YEATS2: variants seen among roughly 807,000 people sequenced by gnomAD.
YEATS2 encodes YEATS domain containing 2, also known as YEATS domain-containing protein 2.
Under a neutral mutation model 163.2 loss-of-function variants are expected in YEATS2, and 77 were observed. That is an observed-to-expected ratio of 0.47 (90% CI 0.39 to 0.57). The LOEUF (loss-of-function observed/expected upper bound fraction) is 0.57, where lower values mean the gene tolerates loss of function less well. Among genes scored for constraint, YEATS2 ranks in the 20% least tolerant of loss-of-function variants. The probability of loss-of-function intolerance (pLI) is 0.00; values close to 1 mark genes in which losing one functional copy is unlikely to be tolerated. For synonymous variants in YEATS2, 631 were observed against 645.1 expected, an observed-to-expected ratio of 0.98 and a Z score of 0.33; for missense variants, 1,549 against 1,729.8, an observed-to-expected ratio of 0.90 and a Z score of 1.85.
chr3:183,720,653 C>T (rs1716393908), intron 4 of YEATS2, among the ~76,000 whole-genome samples: 1 of 152,144 alleles, frequency 6.6e-6, no homozygotes, highest in African/African-American at 2.4e-5. Flanking sequence ...GGCACAGTTT[C>T]CCAGATGCAT....
At chr3:183,719,316 T>C (rs1198323140) in intron 4 of YEATS2, among the ~76,000 whole-genome samples, 1 of 152,006 alleles carries the variant, frequency 6.6e-6, no homozygotes, top group Non-Finnish European at 1.5e-5. Flanking sequence ...TTTTGTACTT[T>C]ACTAGAGACG....
chr3:183,730,366 A>T (rs560392844), intron 7 of YEATS2, among the ~76,000 whole-genome samples: 1 of 152,054 alleles, frequency 6.6e-6, no homozygotes, highest in South Asian at 2.1e-4. Context: ...TGTCCGGCCC[A>T]TATTGATTGT....
At chr3:183,735,096 C>A (rs1718198523) in intron 7 of YEATS2, among the ~76,000 whole-genome samples, 1 of 152,152 alleles carries the variant, frequency 6.6e-6, no homozygotes, top group African/African-American at 2.4e-5. Flanking sequence ...TCTCTGGCAG[C>A]AGTCTTTCCT....
intron 6 of YEATS2, among the ~76,000 whole-genome samples, chr3:183,727,037 G>T (rs1717179055): frequency 6.6e-6 from 1 of 152,064 alleles, no homozygotes; most frequent in Non-Finnish European, 1.5e-5. Context: ...ATGAATTTGG[G>T]TGATCTACCT....
At chr3:183,698,300 G>C (rs1231438026) in intron 1 of YEATS2, among the ~76,000 whole-genome samples, 3 of 152,234 alleles carry the variant, frequency 2.0e-5, no homozygotes, top group African/African-American at 7.2e-5. Context: ...AGGATGTTAA[G>C]CTCTTGGCCT....
At chr3:183,748,238 G>A (rs1334393163) in intron 9 of YEATS2, among the ~76,000 whole-genome samples, 1 of 115,824 alleles carries the variant, frequency 8.6e-6, no homozygotes, top group African/African-American at 3.3e-5. Context: ...CCTTCCCCTT[G>A]TCCCCTCCCC....
chr3:183,700,598 CTT>C (rs748017835), intron 1 of YEATS2, among the ~76,000 whole-genome samples: 117 of 126,570 alleles, frequency 9.2e-4, no homozygotes, highest in African/African-American at 3.1e-3. Flanking sequence ...TCTTTTCTTT[CTT>C]TTTTTTTTTT....
At chr3:183,714,594 A>G (rs774273976) in intron 1 of YEATS2, among the ~76,000 whole-genome samples, 6 of 152,214 alleles carry the variant, frequency 3.9e-5, no homozygotes, top group Non-Finnish European at 5.9e-5. Flanking sequence ...ATATAAGTCT[A>G]TAGATTTGTG....
intron 13 of YEATS2, 23 bp from the exon 14 acceptor site, chr3:183,761,481 TAAA>T: frequency 6.3e-7 from 1 of 1,590,644 alleles, no homozygotes; most frequent in Non-Finnish European, 8.6e-7. Flanking sequence ...CTCCTGATTG[TAAA>T]ATATGTATTT....
At position 183,755,213 on chromosome 3, in the gene YEATS2, G is replaced by A. The variant is rs555867520; in HGVS notation, c.1390+848G>A. On this transcript the variant is annotated intron_variant, in intron 11 of 30. Coordinates refer to ENST00000305135, the MANE Select transcript of YEATS2 (RefSeq NM_018023.5). ...TCACTGCAGCCTCCACCTCTCTCGG[G>A]TTCAAGTGATTCTCCTGGCTCAGCC... Among the ~76,000 whole-genome samples the A allele has an allele frequency of 8.1e-4, 124 of 152,188 alleles. No individual in the cohort carries two copies. In the Middle Eastern group the frequency reaches 0.014, roughly 17 times the overall value.
In YEATS2 at chr3:183,773,687, C is replaced by T. The variant is rs1290379662; in HGVS notation, c.2261C>T (p.Pro754Leu). The stretch of plus-strand genomic sequence containing the variant: ...AATTTGGCCAACTTGGCAAATTTGC[C>T]TCCTGGCACTAAACTCTACCTAACT... The part of the protein sequence containing the change: ...ATNLANLANL[P>L]PGTKLYLTTN... Residue 754 changes from proline (P) to leucine (L), a missense_variant, in exon 17 of 31, where the codon CCT (proline) becomes CTT (leucine). Pro to Leu is a moderately conservative substitution (Grantham distance 98, BLOSUM62 -3). Transcript: ENST00000305135. The T allele has an allele frequency of 1.9e-6, 3 of 1,612,056 alleles. No individual in the cohort carries two copies. The African/African-American group carries it at 4.0e-5, about 22-fold the overall frequency.
chr3:183,727,244 C>T (rs1310202899), intron 6 of YEATS2, among the ~76,000 whole-genome samples: 2 of 151,960 alleles, frequency 1.3e-5, no homozygotes, highest in African/African-American at 4.8e-5. Flanking sequence ...AGAGAAGGCA[C>T]AAATAATATT....
intron 1 of YEATS2, among the ~76,000 whole-genome samples, chr3:183,714,398 G>A (rs1014386539): frequency 1.3e-5 from 2 of 148,572 alleles, no homozygotes; most frequent in African/African-American, 2.5e-5. Flanking sequence ...GGTTTTCACC[G>A]TGTTATCCAG....
intron 8 of YEATS2, among the ~76,000 whole-genome samples, chr3:183,739,185 C>T (rs540704077): frequency 4.6e-5 from 7 of 152,086 alleles, no homozygotes; most frequent in East Asian, 1.9e-4. Flanking sequence ...TGTTTGCAGA[C>T]GACATGATTG....
chr3:183,789,947 C>G (rs1047112713), intron 20 of YEATS2, among the ~76,000 whole-genome samples: 1 of 152,160 alleles, frequency 6.6e-6, no homozygotes, highest in African/African-American at 2.4e-5. Flanking sequence ...ATCTCTCAAT[C>G]GTCTTGGAAG....
chr3:183,714,070 T>A (rs1051391351), intron 1 of YEATS2, among the ~76,000 whole-genome samples: 5 of 152,124 alleles, frequency 3.3e-5, no homozygotes, highest in Non-Finnish European at 5.9e-5. Context: ...CCCAAAGTGC[T>A]GGGATTACAG....
At chr3:183,759,483 CCT>C (rs919308030) in intron 13 of YEATS2, among the ~76,000 whole-genome samples, 8 of 152,164 alleles carry the variant, frequency 5.3e-5, no homozygotes, top group African/African-American at 1.4e-4. Context: ...CTTTTGGACA[CCT>C]CTCTCTCTCG....
chr3:183,779,675 A>C (rs897190006), intron 19 of YEATS2, among the ~76,000 whole-genome samples: 11 of 151,898 alleles, frequency 7.2e-5, no homozygotes, highest in Non-Finnish European at 1.6e-4. Context: ...GACAGAGAAA[A>C]CTTTATTTTT....
At chr3:183,710,226 A>G (rs964175830) in intron 1 of YEATS2, among the ~76,000 whole-genome samples, 1 of 152,232 alleles carries the variant, frequency 6.6e-6, no homozygotes, top group African/African-American at 2.4e-5. Flanking sequence ...TGAATTGACC[A>G]TATCTAACAA....
Sources: allele counts gnomAD v4.1 joint callset (sites outside exome capture counted in the v4.1 genomes callset), GRCh38; gene constraint gnomAD v4.1.1; transcripts MANE v1.5; gene names NCBI Gene and HGNC (gene_info 2026-07-23, HGNC 2026-07-21).